Variants in SDK1 observed in about 807,000 individuals in gnomAD.
The protein encoded by SDK1 is sidekick cell adhesion molecule 1, also known as protein sidekick-1.
SDK1 carries 157 observed loss-of-function variants against 245.5 expected under a neutral mutation model. The observed-to-expected ratio is 0.64, with a 90% CI of 0.56 to 0.73. The LOEUF (loss-of-function observed/expected upper bound fraction) is 0.73. Ranked by LOEUF, SDK1 falls within the 30% of genes least tolerant of loss-of-function variation. The probability of loss-of-function intolerance (pLI) is 0.00; values close to 1 mark genes in which losing one functional copy is unlikely to be tolerated. For missense variants in SDK1, 3,583 were observed against 3,002.3 expected (o/e 1.19, Z -4.52); for synonymous variants, 1,647 against 1,278.5 (o/e 1.29, Z -6.15).
chr7:3,965,721 C>T (rs1782034492), intron 9 of SDK1, among the ~76,000 whole-genome samples: 1 of 150,960 alleles, frequency 6.6e-6, no homozygotes, highest in Non-Finnish European at 1.5e-5. Context: ...CTCCAGCCAG[C>T]CAGGGGTGCT....
intron 1 of SDK1, among the ~76,000 whole-genome samples, chr7:3,392,434 T>C (rs1001148337): frequency 6.6e-6 from 1 of 152,166 alleles, no homozygotes; most frequent in Non-Finnish European, 1.5e-5. Flanking sequence ...ATATATACTT[T>C]TATGGTGGTA....
intron 1 of SDK1, among the ~76,000 whole-genome samples, chr7:3,322,010 T>G (rs1191600153): frequency 1.9e-5 from 1 of 52,360 alleles, no homozygotes; most frequent in Non-Finnish European, 3.9e-5. Flanking sequence ...CTTTCTAAAG[T>G]TTTTTTTTTT....
At chr7:3,986,051 G>C (rs1349524616) in intron 13 of SDK1, among the ~76,000 whole-genome samples, 1 of 152,074 alleles carries the variant, frequency 6.6e-6, no homozygotes, top group African/African-American at 2.4e-5. Context: ...GACAGCCCCG[G>C]AACAGGGTCC....
At chr7:4,080,993 TCTA>T (rs1026405298) in intron 22 of SDK1, among the ~76,000 whole-genome samples, 1 of 152,086 alleles carries the variant, frequency 6.6e-6, no homozygotes, top group Non-Finnish European at 1.5e-5. Context: ...GAAAACCAAT[TCTA>T]CTATTAAAAT....
intron 1 of SDK1, among the ~76,000 whole-genome samples, chr7:3,360,032 C>T (rs1009122671): frequency 6.6e-6 from 1 of 152,200 alleles, no homozygotes. Flanking sequence ...TTCTGCCATT[C>T]TGCTGTCATC....
intron 5 of SDK1, among the ~76,000 whole-genome samples, chr7:3,864,888 A>C (rs1162624702): frequency 6.6e-6 from 1 of 152,172 alleles, no homozygotes; most frequent in Non-Finnish European, 1.5e-5. Flanking sequence ...CTCTCCACAA[A>C]GAAGAAAACA....
intron 1 of SDK1, among the ~76,000 whole-genome samples, chr7:3,430,306 C>G (rs2128584011): frequency 6.6e-6 from 1 of 152,178 alleles, no homozygotes; most frequent in African/African-American, 2.4e-5. Context: ...GGGGAGGGGA[C>G]TGTGTCCTAA....
intron 2 of SDK1, among the ~76,000 whole-genome samples, chr7:3,626,289 C>G (rs910728772): frequency 1.3e-5 from 2 of 152,114 alleles, no homozygotes; most frequent in South Asian, 4.1e-4. Context: ...GAGTCTATTC[C>G]TTGAACCCCT....
rs1022572921 is a variant in SDK1, at chr7:4,267,824, C to T, written c.*2440C>T. 1.5e-5 allele frequency: 15 copies of T among 985,540 alleles called. No homozygotes were observed. The African/African-American group carries it at 1.9e-4, about 13-fold the overall frequency. 61.0% of individuals were successfully genotyped at this position (985,540 alleles called of 1,614,324 possible). On this transcript the variant is annotated 3_prime_UTR_variant, in exon 45 of 45. Coordinates refer to ENST00000404826, the MANE Select transcript of SDK1 (RefSeq NM_152744.4). Reference sequence around the variant, plus strand: ...AGCGGCCTGTCCGAGGCTACGCCGGCCTCCTGGCTGCTGCTGGACTGTGCT... The same window carrying T: ...AGCGGCCTGTCCGAGGCTACGCCGGTCTCCTGGCTGCTGCTGGACTGTGCT...
chr7:3,935,325 T>G (rs769246650), intron 5 of SDK1, among the ~76,000 whole-genome samples: 2 of 152,142 alleles, frequency 1.3e-5, no homozygotes, highest in African/African-American at 2.4e-5. Context: ...AAGAAAACTT[T>G]ATGACATTAG....
chr7:3,515,989 C>T (rs1246620774), intron 1 of SDK1, among the ~76,000 whole-genome samples: 1 of 151,980 alleles, frequency 6.6e-6, no homozygotes. Context: ...CATTTCTTTG[C>T]TAATTGTTTT....
intron 5 of SDK1, among the ~76,000 whole-genome samples, chr7:3,911,548 C>T (rs1779163014): frequency 6.6e-6 from 1 of 152,186 alleles, no homozygotes; most frequent in Admixed American, 6.5e-5. Flanking sequence ...AAGGGCTCTG[C>T]CCTCCTGATC....
intron 4 of SDK1, among the ~76,000 whole-genome samples, chr7:3,658,213 G>A (rs189441450): frequency 1.3e-5 from 2 of 152,188 alleles, no homozygotes; most frequent in South Asian, 2.1e-4. Flanking sequence ...TGTCATAGCC[G>A]TGAGGTGGAA....
At chr7:4,064,889 G>C (rs1779768387) in intron 19 of SDK1, among the ~76,000 whole-genome samples, 1 of 152,102 alleles carries the variant, frequency 6.6e-6, no homozygotes, top group Non-Finnish European at 1.5e-5. Context: ...AAAGATACTA[G>C]AGGCTGGGAG....
intron 1 of SDK1, among the ~76,000 whole-genome samples, chr7:3,365,131 T>G (rs1230650597): frequency 6.6e-6 from 1 of 152,198 alleles, no homozygotes; most frequent in African/African-American, 2.4e-5. Flanking sequence ...GGCCGCAACT[T>G]CTGCAGTGTA....
intron 1 of SDK1, among the ~76,000 whole-genome samples, chr7:3,480,697 C>G (rs777669951): frequency 1.3e-4 from 20 of 152,206 alleles, no homozygotes; most frequent in African/African-American, 4.8e-4. Flanking sequence ...TTGTAGTCCC[C>G]TGCTATTCCT....
At chr7:3,701,021 G>T (rs996674961) in intron 4 of SDK1, among the ~76,000 whole-genome samples, 1 of 152,150 alleles carries the variant, frequency 6.6e-6, no homozygotes, top group Non-Finnish European at 1.5e-5. Flanking sequence ...TAGGGCTGGG[G>T]AGGAACCAGT....
chr7:3,710,103 C>A (rs913696498), intron 4 of SDK1, among the ~76,000 whole-genome samples: 8 of 152,194 alleles, frequency 5.3e-5, no homozygotes, highest in Admixed American at 1.3e-4. Context: ...TGTTCACAAA[C>A]CTTTTATGTT....
At chr7:3,442,731 T>A (rs1038688348) in intron 1 of SDK1, among the ~76,000 whole-genome samples, 5 of 152,212 alleles carry the variant, frequency 3.3e-5, no homozygotes, top group African/African-American at 1.2e-4. Context: ...ATATGTTTTG[T>A]TTTTAGCATA....
Sources: gnomAD v4.1 joint callset for allele counts (sites outside exome capture counted in the v4.1 genomes callset) on GRCh38, gnomAD v4.1.1 for gene constraint, MANE v1.5 for transcripts, NCBI Gene and HGNC (gene_info 2026-07-23, HGNC 2026-07-21) for gene names.